Variants in PCED1B observed in about 807,000 individuals in gnomAD.
PCED1B encodes PC-esterase domain containing 1B, also known as PC-esterase domain-containing protein 1B.
For missense variants in PCED1B, 573 were observed against 573.9 expected, an observed-to-expected ratio of 1.00 and a Z score of 0.02; for synonymous variants, 251 against 246.1, an observed-to-expected ratio of 1.02 and a Z score of -0.19.
At chr12:47,177,178 C>T (rs1220133524) in intron 2 of PCED1B, among the ~76,000 whole-genome samples, 1 of 152,050 alleles carries the variant, frequency 6.6e-6, no homozygotes, top group African/African-American at 2.4e-5. Flanking sequence ...TCATAAAGTG[C>T]CCAATAAACA....
intron 2 of PCED1B, among the ~76,000 whole-genome samples, chr12:47,215,780 C>T (rs181873540): frequency 2.4e-4 from 37 of 151,620 alleles, no homozygotes; most frequent in Admixed American, 2.1e-3. Flanking sequence ...TGTGGCCTGC[C>T]ATGGTGGCTC....
chr12:47,184,199 G>A (rs1032555883), intron 2 of PCED1B, among the ~76,000 whole-genome samples: 2 of 152,126 alleles, frequency 1.3e-5, no homozygotes, highest in African/African-American at 4.8e-5. Context: ...GTATAAATTA[G>A]TAAATGAAGT....
chr12:47,127,634 G>A (rs566121290), intron 2 of PCED1B, among the ~76,000 whole-genome samples: 246 of 151,892 alleles, frequency 1.6e-3, no homozygotes, highest in African/African-American at 5.7e-3. Flanking sequence ...AAAGTGCTAG[G>A]ATTACAGGTG....
chr12:47,122,408 T>C (rs994622473), intron 2 of PCED1B, among the ~76,000 whole-genome samples: 1 of 152,218 alleles, frequency 6.6e-6, no homozygotes, highest in Admixed American at 6.5e-5. Context: ...ATCCAGAACT[T>C]TACATTTCAC....
In PCED1B at chr12:47,236,587, T is replaced by C. The variant is rs1376133141; in HGVS notation, c.*225T>C. On this transcript the variant is annotated 3_prime_UTR_variant, in exon 4 of 4. Coordinates refer to ENST00000546455, the MANE Select transcript of PCED1B (RefSeq NM_138371.3). ...CCACTTCCTGGGAGTGACCCAGCGT[T>C]ATTCCTGCCTCCTCACTCCTATTCT... 2 of 487,908 alleles carry C rather than the reference T, an allele frequency of 4.1e-6. No individual in the cohort carries two copies. The highest frequency in any genetic ancestry group is 7.4e-6 in the Non-Finnish European group (2 of 271,388). The allele number at this position is 487,908 out of a possible 1,614,324, so 30.2% of individuals were successfully genotyped here.
chr12:47,089,461 CATATATATATATAT>C (rs1217283440), intron 1 of PCED1B, among the ~76,000 whole-genome samples: 4 of 63,412 alleles, frequency 6.3e-5, no homozygotes, highest in Non-Finnish European at 8.7e-5. Context: ...AAAAAAAATA[CATATATATATATAT>C]ATATATATAT....
chr12:47,184,540 T>G (rs537077592), intron 2 of PCED1B, among the ~76,000 whole-genome samples: 1 of 152,142 alleles, frequency 6.6e-6, no homozygotes. Flanking sequence ...CACAGACTTT[T>G]GAGTTTCACA....
chr12:47,100,427 A>C (rs1405911754), intron 1 of PCED1B, among the ~76,000 whole-genome samples: 2 of 152,170 alleles, frequency 1.3e-5, no homozygotes, highest in Non-Finnish European at 2.9e-5. Context: ...TTTTCCTTAT[A>C]TGTGCTTATC....
chr12:47,095,833 T>C (rs999026673), intron 1 of PCED1B, among the ~76,000 whole-genome samples: 4 of 151,790 alleles, frequency 2.6e-5, no homozygotes, highest in African/African-American at 4.8e-5. Context: ...ATTTTTCATG[T>C]TAATCATAAG....
chr12:47,236,130 A>G lies in PCED1B; in HGVS notation c.1067A>G (p.His356Arg), dbSNP rs1449934359. 16 of 1,614,040 alleles carry G rather than the reference A, an allele frequency of 9.9e-6. No homozygotes were observed. Among genetic ancestry groups the G allele is most frequent in the Non-Finnish European group, 1.3e-5 (15 of 1,180,010 alleles). Residue 356 changes from histidine (H) to arginine (R), a missense_variant, in exon 4 of 4, where the codon CAT (histidine) becomes CGT (arginine). His to Arg is a conservative substitution (Grantham distance 29). Coordinates refer to ENST00000546455, the MANE Select transcript of PCED1B (RefSeq NM_138371.3). ...TTCCAGTCGGATCAATTCTATTGCCATTCAGATGTCCCCTCATCAGCCCAT... is the reference window on the plus strand; with the variant it reads ...TTCCAGTCGGATCAATTCTATTGCCGTTCAGATGTCCCCTCATCAGCCCAT... ...HTFQSDQFYC[H>R]SDVPSSAHAG... is the part of the protein sequence containing the mutation.
intron 3 of PCED1B, 49 bp downstream of exon 3, chr12:47,216,738 T>C (rs1322159338): frequency 1.3e-5 from 2 of 152,264 alleles, no homozygotes; most frequent in East Asian, 3.8e-4. Flanking sequence ...TAAGTTGGCA[T>C]TTCTGACCAG....
intron 2 of PCED1B, among the ~76,000 whole-genome samples, chr12:47,124,525 T>G (rs1020966252): frequency 7.7e-6 from 1 of 129,522 alleles, no homozygotes; most frequent in African/African-American, 2.9e-5. Context: ...TTTTTTTTTG[T>G]ATACAATTGA....
At position 47,198,413 on chromosome 12, in the gene PCED1B, A is replaced by G. The variant is rs929815935; in HGVS notation, c.-525-17809A>G. 2.6e-5 allele frequency among the ~76,000 whole-genome samples: 4 copies of G among 152,272 alleles called. No individual in the cohort carries two copies. In the East Asian group the frequency reaches 5.8e-4, roughly 22 times the overall value. On this transcript the variant is annotated intron_variant, in intron 2 of 3. Transcript: ENST00000546455. ...GAGGGGAACTGGATCTCAACTTCAT[A>G]AAGGATAACTGCAAAATAACTACAC...
At chr12:47,171,612 G>T (rs893794698) in intron 2 of PCED1B, among the ~76,000 whole-genome samples, 1 of 152,118 alleles carries the variant, frequency 6.6e-6, no homozygotes, top group African/African-American at 2.4e-5. Flanking sequence ...GGAATAGGAG[G>T]ATGATATTTT....
At chr12:47,089,389 G>A (rs1311457969) in intron 1 of PCED1B, among the ~76,000 whole-genome samples, 2 of 146,660 alleles carry the variant, frequency 1.4e-5, no homozygotes, top group African/African-American at 2.5e-5. Flanking sequence ...GGGGCTTGCA[G>A]TGAGCTGAGA....
At chr12:47,222,282 C>T (rs894393599) in intron 3 of PCED1B, among the ~76,000 whole-genome samples, 5 of 151,424 alleles carry the variant, frequency 3.3e-5, no homozygotes, top group South Asian at 2.1e-4. Context: ...ATTAGCCGGG[C>T]GTGGTAGCAC....
chr12:47,087,829 T>A (rs1271799951), intron 1 of PCED1B, among the ~76,000 whole-genome samples: 1 of 152,210 alleles, frequency 6.6e-6, no homozygotes, highest in Admixed American at 6.5e-5. Context: ...AGTACTAACA[T>A]GAATCCCTAT....
At chr12:47,137,663 G>A (rs1303201109) in intron 2 of PCED1B, among the ~76,000 whole-genome samples, 1 of 149,694 alleles carries the variant, frequency 6.7e-6, no homozygotes, top group Non-Finnish European at 1.5e-5. Flanking sequence ...TGGAGGTTGA[G>A]GCTGCATTGA....
intron 2 of PCED1B, among the ~76,000 whole-genome samples, chr12:47,148,491 A>G (rs755321739): frequency 6.6e-6 from 1 of 152,204 alleles, no homozygotes; most frequent in Non-Finnish European, 1.5e-5. Context: ...GGTATCTGCT[A>G]TAGCAAATTT....
Sources: allele counts gnomAD v4.1 joint callset (sites outside exome capture counted in the v4.1 genomes callset), GRCh38; gene constraint gnomAD v4.1.1; transcripts MANE v1.5; gene names NCBI Gene and HGNC (gene_info 2026-07-23, HGNC 2026-07-21).